Variants in RBFOX1 observed in about 807,000 individuals in gnomAD.
RBFOX1 encodes the protein RNA binding fox-1 homolog 1.
A neutral mutation model predicts 57.7 loss-of-function variants in RBFOX1; 8 were observed. That is an observed-to-expected ratio of 0.14 (90% CI 0.08 to 0.25). RBFOX1 has a LOEUF of 0.25. Ranked by LOEUF, RBFOX1 falls within the 10% of genes least tolerant of loss-of-function variation. The probability of loss-of-function intolerance (pLI) is 1.00; values close to 1 mark genes in which losing one functional copy is unlikely to be tolerated. For synonymous variants in RBFOX1, 326 were observed against 222.4 expected (o/e 1.47, Z -4.15); for missense variants, 611 against 548.5 (o/e 1.11, Z -1.14).
chr16:7,173,864 G>A (rs936396701), intron 4 of RBFOX1, among the ~76,000 whole-genome samples: 3 of 152,104 alleles, frequency 2.0e-5, no homozygotes, highest in South Asian at 2.1e-4. Context: ...TAAGACACAC[G>A]TTAAATAACC....
chr16:7,658,913 C>T (rs1043739774), intron 12 of RBFOX1, among the ~76,000 whole-genome samples: 1 of 152,152 alleles, frequency 6.6e-6, no homozygotes, highest in Non-Finnish European at 1.5e-5. Flanking sequence ...TTAGTAGAGA[C>T]AGGGTTTCAC....
intron 2 of RBFOX1, among the ~76,000 whole-genome samples, chr16:6,443,349 T>C (rs1320129763): frequency 6.6e-6 from 1 of 152,128 alleles, no homozygotes; most frequent in Non-Finnish European, 1.5e-5. Flanking sequence ...TAAACTAAAA[T>C]GCCCCTTGTT....
At chr16:5,670,419 A>G (rs1038023624) in intron 3 of RBFOX1, among the ~76,000 whole-genome samples, 3 of 152,230 alleles carry the variant, frequency 2.0e-5, no homozygotes, top group African/African-American at 7.2e-5. Context: ...TCTGTAGCCC[A>G]TGTCCATAGG....
At chr16:5,956,699 C>T (rs1453487601) in intron 4 of RBFOX1, among the ~76,000 whole-genome samples, 1 of 126,262 alleles carries the variant, frequency 7.9e-6, no homozygotes, top group East Asian at 2.2e-4. Context: ...GGCACAGTCT[C>T]ATCCTGTCAC....
At chr16:5,998,159 C>T (rs901381523) in intron 4 of RBFOX1, among the ~76,000 whole-genome samples, 1 of 152,086 alleles carries the variant, frequency 6.6e-6, no homozygotes, top group Middle Eastern at 3.2e-3. Context: ...GTACGAAGTC[C>T]CTGTTCATTC....
At chr16:5,937,743 A>G (rs1362430860) in intron 4 of RBFOX1, among the ~76,000 whole-genome samples, 5 of 149,392 alleles carry the variant, frequency 3.3e-5, no homozygotes, top group East Asian at 3.9e-4. Context: ...CCATATAACT[A>G]TAAATATGTA....
At chr16:5,564,731 C>T (rs7203912) in intron 2 of RBFOX1, among the ~76,000 whole-genome samples, 34,467 of 152,012 alleles carry the variant, frequency 0.23, 3,995 homozygotes, top group South Asian at 0.34. Context: ...TATCTTTGAA[C>T]AGTATTTATT....
At chr16:5,321,601 G>C (rs574217002) in intron 1 of RBFOX1, among the ~76,000 whole-genome samples, 18 of 152,284 alleles carry the variant, frequency 1.2e-4, no homozygotes, top group Non-Finnish European at 2.2e-4. Flanking sequence ...ACAGGCGTGA[G>C]CCACAGCGCC....
At chr16:5,329,172 C>T (rs920677070) in intron 1 of RBFOX1, among the ~76,000 whole-genome samples, 4 of 152,008 alleles carry the variant, frequency 2.6e-5, no homozygotes, top group African/African-American at 4.8e-5. Flanking sequence ...AGTTGAAAAC[C>T]GTATTAGTTT....
chr16:5,401,034 G>A (rs565865500), intron 1 of RBFOX1, among the ~76,000 whole-genome samples: 1 of 152,256 alleles, frequency 6.6e-6, no homozygotes, highest in South Asian at 2.1e-4. Context: ...TTGTCATTAA[G>A]TATTTTTATG....
chr16:6,116,366 T>C (rs2096495900), intron 1 of RBFOX1, among the ~76,000 whole-genome samples: 1 of 152,138 alleles, frequency 6.6e-6, no homozygotes, highest in African/African-American at 2.4e-5. Context: ...GTGTATACCT[T>C]TCTGACAAAC....
At chr16:6,146,130 A>T (rs2096756318) in intron 1 of RBFOX1, among the ~76,000 whole-genome samples, 1 of 152,028 alleles carries the variant, frequency 6.6e-6, no homozygotes, top group South Asian at 2.1e-4. Context: ...GACCCTTTAT[A>T]TCACCCCGAA....
At chr16:7,512,789 C>A (rs572672237) in intron 4 of RBFOX1, among the ~76,000 whole-genome samples, 4 of 152,210 alleles carry the variant, frequency 2.6e-5, no homozygotes, top group Non-Finnish European at 5.9e-5. Flanking sequence ...TGAGGTAGTG[C>A]AGAAGTTTCC....
chr16:5,484,184 A>G (rs564513976), intron 2 of RBFOX1, among the ~76,000 whole-genome samples: 2 of 152,320 alleles, frequency 1.3e-5, no homozygotes, highest in South Asian at 4.1e-4. Flanking sequence ...AATAAAAACG[A>G]AAACAAAGAT....
At chr16:6,463,956 T>C (rs1225970755) in intron 2 of RBFOX1, among the ~76,000 whole-genome samples, 1 of 151,976 alleles carries the variant, frequency 6.6e-6, no homozygotes, top group Non-Finnish European at 1.5e-5. Flanking sequence ...GGAGAGCCAC[T>C]AAGAAAAAAT....
chr16:6,543,205 C>A (rs933879972), intron 2 of RBFOX1, among the ~76,000 whole-genome samples: 1 of 152,176 alleles, frequency 6.6e-6, no homozygotes, highest in Non-Finnish European at 1.5e-5. Context: ...GAAGAGGATG[C>A]ACTAGGCTTA....
intron 4 of RBFOX1, among the ~76,000 whole-genome samples, chr16:5,996,728 T>C (rs2060496946): frequency 6.6e-6 from 1 of 152,054 alleles, no homozygotes; most frequent in Non-Finnish European, 1.5e-5. Context: ...TAACTGACGG[T>C]CACAGACAGC....
intron 3 of RBFOX1, among the ~76,000 whole-genome samples, chr16:6,840,684 C>G (rs868343051): frequency 3.3e-5 from 5 of 151,738 alleles, no homozygotes; most frequent in African/African-American, 9.7e-5. Context: ...GTCAACAGAT[C>G]GAGACCATCC....
At chr16:6,148,261 A>C in intron 1 of RBFOX1, among the ~76,000 whole-genome samples, 1 of 152,218 alleles carries the variant, frequency 6.6e-6, no homozygotes. Context: ...TGGGAGGTAG[A>C]GGTTGCAGTG....
Sources: gnomAD v4.1 joint callset for allele counts (sites outside exome capture counted in the v4.1 genomes callset) on GRCh38, gnomAD v4.1.1 for gene constraint, MANE v1.5 for transcripts, NCBI Gene and HGNC (gene_info 2026-07-23, HGNC 2026-07-21) for gene names.